VPS41: variants seen among roughly 807,000 people sequenced by gnomAD.
VPS41 encodes VPS41 subunit of HOPS complex.
In VPS41, 85 loss-of-function variants were observed where a neutral mutation model predicts 130.9. The ratio of observed to expected loss-of-function variants is 0.65; its 90% CI spans 0.55 to 0.78. The LOEUF is 0.78. VPS41 is among the 30% of genes least tolerant of loss of function. The probability of loss-of-function intolerance (pLI) is 0.00; values close to 1 mark genes in which losing one functional copy is unlikely to be tolerated. For synonymous variants in VPS41, 335 were observed against 332.9 expected (o/e 1.01, Z -0.07); for missense variants, 874 against 1,018.7 (o/e 0.86, Z 1.93).
intron 25 of VPS41, 55 bp from the exon 26 acceptor site, chr7:38,728,846 G>T: frequency 6.7e-7 from 1 of 1,488,172 alleles, no homozygotes; most frequent in Non-Finnish European, 9.4e-7. Context: ...AATCTGAGGG[G>T]TGAAGGGACA....
In VPS41 at chr7:38,728,533, C is replaced by T. The variant is rs147877184; in HGVS notation, c.2404+9G>A. ...ATGTTTGGGATTTTTTTGGGGAAAACCTTCTTACCTGATGGAAGAATAGGG... is the reference window on the plus strand; with the variant it reads ...ATGTTTGGGATTTTTTTGGGGAAAATCTTCTTACCTGATGGAAGAATAGGG... On this transcript the variant is annotated intron_variant, in intron 27 of 28. Transcript: ENST00000310301. 2.5e-6 allele frequency: 4 copies of T among 1,614,034 alleles called. No homozygotes were observed. The African/African-American group carries it at 4.0e-5, about 16-fold the overall frequency.
At chr7:38,878,753 A>G (rs1169050320) in intron 2 of VPS41, among the ~76,000 whole-genome samples, 1 of 152,250 alleles carries the variant, frequency 6.6e-6, no homozygotes, top group Admixed American at 6.5e-5. Context: ...AAAAGCTTTC[A>G]GTAAATACAA....
At chr7:38,769,618 A>T (rs550476093) in intron 14 of VPS41, among the ~76,000 whole-genome samples, 1 of 152,202 alleles carries the variant, frequency 6.6e-6, no homozygotes, top group African/African-American at 2.4e-5. Context: ...GCACCAAACC[A>T]GAGGCCCAAG....
chr7:38,765,479 T>A (rs1273642475), intron 16 of VPS41, 101 bp downstream of exon 16: 4 of 753,194 alleles, frequency 5.3e-6, no homozygotes, highest in Non-Finnish European at 8.4e-6. Context: ...GAGATAATAA[T>A]CACGTCCTAA....
intron 6 of VPS41, among the ~76,000 whole-genome samples, chr7:38,820,944 TGC>T (rs371968154): frequency 6.6e-6 from 1 of 151,098 alleles, no homozygotes; most frequent in Admixed American, 6.6e-5. Context: ...TGTGTGTGCG[TGC>T]GTGTGTGTGT....
rs201685709 is a variant in VPS41, at chr7:38,886,549, GCAAGGCCTACTGCCTTTCTAGGTTCCAC to G, written c.60+11514_60+11541del. Among the ~76,000 whole-genome samples the G allele has an allele frequency of 6.1e-3, 936 of 152,354 alleles. 6 individuals are homozygous for G. Among genetic ancestry groups the G allele is most frequent in the Middle Eastern group, 0.027 (8 of 294 alleles). On this transcript the variant is annotated intron_variant, in intron 2 of 28. Coordinates refer to ENST00000310301, the MANE Select transcript of VPS41 (RefSeq NM_014396.4). ...ACTGGGCAGAGCCCACCGCAGTTCA[GCAAGGCCTACTGCCTTTCTAGGTTCCAC>G]CTCTGGGGGCAGGGTATATCTGAAC...
At chr7:38,852,378 A>G (rs1785877089) in intron 4 of VPS41, among the ~76,000 whole-genome samples, 2 of 152,168 alleles carry the variant, frequency 1.3e-5, no homozygotes, top group South Asian at 4.1e-4. Flanking sequence ...CTGCTTTGAG[A>G]ACTATCCCTG....
intron 4 of VPS41, among the ~76,000 whole-genome samples, chr7:38,855,587 C>T (rs1785965523): frequency 6.6e-6 from 1 of 152,032 alleles, no homozygotes; most frequent in Non-Finnish European, 1.5e-5. Context: ...TAGGGAAGTG[C>T]CCTAATAAGA....
chr7:38,883,552 T>C (rs1786658024), intron 2 of VPS41, among the ~76,000 whole-genome samples: 1 of 152,218 alleles, frequency 6.6e-6, no homozygotes, highest in Non-Finnish European at 1.5e-5. Context: ...TTATTTCACT[T>C]GGTTTATTAT....
intron 9 of VPS41, among the ~76,000 whole-genome samples, chr7:38,791,075 T>A (rs1784526893): frequency 6.6e-6 from 1 of 152,192 alleles, no homozygotes; most frequent in African/African-American, 2.4e-5. Flanking sequence ...CTTGAACCCA[T>A]GGCTGCAGAG....
At chr7:38,779,912 A>C (rs923796337) in intron 10 of VPS41, among the ~76,000 whole-genome samples, 5 of 152,196 alleles carry the variant, frequency 3.3e-5, no homozygotes, top group Non-Finnish European at 7.3e-5. Context: ...TTTTCAGTGG[A>C]CGAATGGAAG....
chr7:38,744,741 A>T (rs1795952891), intron 23 of VPS41, among the ~76,000 whole-genome samples: 1 of 152,222 alleles, frequency 6.6e-6, no homozygotes, highest in Non-Finnish European at 1.5e-5. Flanking sequence ...TAAGAAGGGC[A>T]GGTGCTATAA....
chr7:38,840,868 CG>C (rs1236727962), intron 4 of VPS41, among the ~76,000 whole-genome samples: 1 of 152,066 alleles, frequency 6.6e-6, no homozygotes, highest in African/African-American at 2.4e-5. Flanking sequence ...GTTTTCATAC[CG>C]GGAACAGATA....
chr7:38,855,289 C>T (rs1402789398), intron 4 of VPS41, among the ~76,000 whole-genome samples: 3 of 150,050 alleles, frequency 2.0e-5, no homozygotes, highest in East Asian at 2.0e-4. Flanking sequence ...TGAATCTTCA[C>T]GATGATACTG....
intron 5 of VPS41, among the ~76,000 whole-genome samples, chr7:38,821,572 G>A (rs1176135226): frequency 6.6e-6 from 1 of 151,958 alleles, no homozygotes; most frequent in African/African-American, 2.4e-5. Flanking sequence ...AGCCAGGCAT[G>A]GTGGCGTGCA....
At chr7:38,810,094 G>C (rs2392601) in intron 7 of VPS41, among the ~76,000 whole-genome samples, 1 of 146,318 alleles carries the variant, frequency 6.8e-6, no homozygotes. Flanking sequence ...TAAGAGATGT[G>C]CTTTCTCTTT....
At chr7:38,786,640 A>G (rs539259622) in intron 10 of VPS41, among the ~76,000 whole-genome samples, 2 of 152,346 alleles carry the variant, frequency 1.3e-5, no homozygotes, top group East Asian at 3.9e-4. Flanking sequence ...AAATTTCATA[A>G]CAAAATGTTA....
At chr7:38,873,658 G>C (rs964799652) in intron 2 of VPS41, among the ~76,000 whole-genome samples, 1 of 152,136 alleles carries the variant, frequency 6.6e-6, no homozygotes, top group Admixed American at 6.5e-5. Context: ...GCTAAGCGAA[G>C]ATATGAACAG....
chr7:38,763,436 C>G lies in VPS41; in HGVS notation c.1422+19G>C, dbSNP rs1783964393. 1 of 1,514,386 alleles carries G rather than the reference C, an allele frequency of 6.6e-7. No homozygotes were observed. Among genetic ancestry groups the G allele is most frequent in the Non-Finnish European group, 9.0e-7 (1 of 1,116,676 alleles). The allele number at this position is 1,514,386 out of a possible 1,614,324, so 93.8% of individuals were successfully genotyped here. A position where few individuals can be genotyped will look rare whatever the true frequency, so the allele number is the denominator to read the frequency against. On this transcript the variant is annotated intron_variant, in intron 17 of 28. Transcript: ENST00000310301. ...TCCCATCGAGAACAAGTAAATATGA[C>G]CACATCAGAACACCATACCTCATAA... is the stretch of plus-strand genomic sequence containing the variant.
Sources: gnomAD v4.1 joint callset for allele counts (sites outside exome capture counted in the v4.1 genomes callset) on GRCh38, gnomAD v4.1.1 for gene constraint, MANE v1.5 for transcripts, NCBI Gene and HGNC (gene_info 2026-07-23, HGNC 2026-07-21) for gene names.